The following DIS3L2 variants were observed in gnomAD, a reference collection of about 807,000 sequenced individuals.
DIS3L2 encodes DIS3 like 3'-5' exoribonuclease 2.
In DIS3L2, 34 loss-of-function variants were observed where a neutral mutation model predicts 97.5. That is an observed-to-expected ratio of 0.35 (90% CI 0.27 to 0.46). DIS3L2 has a LOEUF of 0.46. DIS3L2 is among the 20% of genes least tolerant of loss of function. The pLI is 1.00. For missense variants in DIS3L2, 1,038 were observed against 1,146.0 expected, an observed-to-expected ratio of 0.91 and a Z score of 1.36; for synonymous variants, 435 against 445.2, an observed-to-expected ratio of 0.98 and a Z score of 0.29.
intron 8 of DIS3L2, among the ~76,000 whole-genome samples, chr2:232,146,990 A>G (rs1690233997): frequency 6.6e-6 from 1 of 152,178 alleles, no homozygotes; most frequent in African/African-American, 2.4e-5. Context: ...ATCATACTCT[A>G]CATACATCTT....
chr2:232,009,212 C>T (rs1284579409), intron 1 of DIS3L2, among the ~76,000 whole-genome samples: 2 of 152,176 alleles, frequency 1.3e-5, no homozygotes, highest in African/African-American at 4.8e-5. Flanking sequence ...CTAGGCTCCC[C>T]TAGAGATAGC....
At chr2:232,156,118 T>C (rs1690487804) in intron 8 of DIS3L2, among the ~76,000 whole-genome samples, 1 of 152,232 alleles carries the variant, frequency 6.6e-6, no homozygotes, top group African/African-American at 2.4e-5. Flanking sequence ...GTTTTCTTTG[T>C]TATCTTTTTA....
At chr2:232,341,025 C>G (rs1696091665), downstream of DIS3L2, 2 of 445,150 alleles carry the variant, frequency 4.5e-6, no homozygotes, top group Non-Finnish European at 9.2e-6. Flanking sequence ...CAAAAAGTTC[C>G]TAGAGAGCAA....
intron 1 of DIS3L2, among the ~76,000 whole-genome samples, chr2:231,977,833 ATTC>A (rs1381107768): frequency 6.6e-6 from 1 of 152,228 alleles, no homozygotes; most frequent in Non-Finnish European, 1.5e-5. Context: ...AAATTGTCTC[ATTC>A]TTCTTGCAGT....
intron 9 of DIS3L2, among the ~76,000 whole-genome samples, chr2:232,165,338 CATAA>C (rs1690771699): frequency 6.6e-6 from 1 of 151,978 alleles, no homozygotes; most frequent in Admixed American, 6.6e-5. Context: ...ACAAAAACTA[CATAA>C]ATATACACAT....
At chr2:232,334,229 C>T (rs933417163) in intron 17 of DIS3L2, 140 bp from the exon 18 acceptor site, 68 of 1,253,744 alleles carry the variant, frequency 5.4e-5, no homozygotes, top group South Asian at 4.4e-5. Flanking sequence ...CTCGAAGGGC[C>T]GCTTTCTGCT....
downstream of DIS3L2, chr2:232,341,116 G>C (rs913377834): frequency 2.7e-6 from 1 of 367,212 alleles, no homozygotes; most frequent in Admixed American, 3.6e-5. Context: ...CTGCAGACAG[G>C]TGAGCTCTCA....
chr2:232,317,648 C>G (rs909336509), intron 14 of DIS3L2, among the ~76,000 whole-genome samples: 1 of 151,920 alleles, frequency 6.6e-6, no homozygotes, highest in Non-Finnish European at 1.5e-5. Context: ...TGTTGGCCAG[C>G]CTGGTCTCGA....
chr2:232,282,056 G>T (rs1020660561), intron 13 of DIS3L2, among the ~76,000 whole-genome samples: 6 of 149,816 alleles, frequency 4.0e-5, no homozygotes, highest in Non-Finnish European at 8.8e-5. Flanking sequence ...GGAGCAGGAG[G>T]AAACCAGCCG....
downstream of DIS3L2, chr2:232,340,771 C>T (rs188730137): frequency 8.5e-6 from 4 of 471,314 alleles, no homozygotes; most frequent in Admixed American, 4.7e-5. Flanking sequence ...GAGACCCAGC[C>T]AGGCCACCCT....
intron 13 of DIS3L2, among the ~76,000 whole-genome samples, chr2:232,265,739 G>A (rs893337249): frequency 6.6e-6 from 1 of 152,102 alleles, no homozygotes; most frequent in Admixed American, 6.5e-5. Flanking sequence ...GTAAAACAGG[G>A]GATAATTACA....
At chr2:232,116,513 C>G (rs754866129) in intron 6 of DIS3L2, among the ~76,000 whole-genome samples, 9 of 152,216 alleles carry the variant, frequency 5.9e-5, no homozygotes, top group Non-Finnish European at 1.3e-4. Context: ...AAATAATTCC[C>G]GTTCTCCTTA....
intron 6 of DIS3L2, among the ~76,000 whole-genome samples, chr2:232,119,200 C>G (rs1697818360): frequency 6.6e-6 from 1 of 152,112 alleles, no homozygotes; most frequent in Admixed American, 6.5e-5. Context: ...GCTTGCAGAC[C>G]CAATTTGACT....
intron 9 of DIS3L2, among the ~76,000 whole-genome samples, chr2:232,203,586 G>A (rs1048453225): frequency 6.6e-6 from 1 of 152,170 alleles, no homozygotes; most frequent in Non-Finnish European, 1.5e-5. Context: ...TTACATATGT[G>A]CCTTCAATGT....
At chr2:232,199,571 C>T (rs1574941078) in intron 9 of DIS3L2, among the ~76,000 whole-genome samples, 1 of 151,774 alleles carries the variant, frequency 6.6e-6, no homozygotes. Flanking sequence ...GATTCTGGTC[C>T]CTGAACTGAT....
chr2:232,082,033 G>A (rs897821459), intron 5 of DIS3L2, among the ~76,000 whole-genome samples: 8 of 152,076 alleles, frequency 5.3e-5, no homozygotes, highest in African/African-American at 1.4e-4. Context: ...CAGATGATCC[G>A]CCCACCTTGT....
chr2:232,338,539 C>T (rs541488773), downstream of DIS3L2, among the ~76,000 whole-genome samples: 60 of 152,016 alleles, frequency 3.9e-4, no homozygotes, highest in East Asian at 3.3e-3. Flanking sequence ...AAGTGGAAAC[C>T]GTATCCACGA....
intron 9 of DIS3L2, among the ~76,000 whole-genome samples, chr2:232,164,794 C>A (rs1690756810): frequency 6.6e-6 from 1 of 152,168 alleles, no homozygotes; most frequent in African/African-American, 2.4e-5. Flanking sequence ...TATCACTGAA[C>A]CCCTGCTAGC....
At chr2:232,161,522 G>A (rs1291563471) in intron 8 of DIS3L2, among the ~76,000 whole-genome samples, 1 of 152,114 alleles carries the variant, frequency 6.6e-6, no homozygotes, top group Non-Finnish European at 1.5e-5. Flanking sequence ...CCAGCCTGCA[G>A]TGCAGTAATG....
Sources: gnomAD v4.1 joint callset for allele counts (sites outside exome capture counted in the v4.1 genomes callset) on GRCh38, gnomAD v4.1.1 for gene constraint, MANE v1.5 for transcripts, NCBI Gene and HGNC (gene_info 2026-07-23, HGNC 2026-07-21) for gene names.